SLC37A2: variants seen among roughly 807,000 people sequenced by gnomAD.
The protein encoded by SLC37A2 is glucose-6-phosphate exchanger SLC37A2.
In SLC37A2, 59 loss-of-function variants were observed where a neutral mutation model predicts 70.7. The observed-to-expected ratio is 0.83, with a 90% CI of 0.68 to 1.04. SLC37A2 has a LOEUF of 1.04. Ranked by LOEUF, SLC37A2 falls within the 50% of genes least tolerant of loss-of-function variation. The probability of loss-of-function intolerance (pLI) is 0.00; values close to 1 mark genes in which losing one functional copy is unlikely to be tolerated. For missense variants in SLC37A2, 580 were observed against 658.1 expected (o/e 0.88, Z 1.30); for synonymous variants, 257 against 262.1 (o/e 0.98, Z 0.19).
At chr11:125,066,140 T>C (rs548273587) in intron 1 of SLC37A2, among the ~76,000 whole-genome samples, 1 of 152,260 alleles carries the variant, frequency 6.6e-6, no homozygotes, top group Non-Finnish European at 1.5e-5. Flanking sequence ...CTCAGTCCAC[T>C]AGTACGTTCT....
rs769779802 is a variant in SLC37A2, at chr11:125,080,687, A to T, written c.601A>T (p.Ile201Phe). ...GNILGSLIAG[I>F]WVNGQWGLSF... Reference sequence around the variant, plus strand: ...CATCCTGGGCTCCCTGATCGCCGGCATCTGGGTGAACGGGCAGTGGGGCCT... The same window carrying T: ...CATCCTGGGCTCCCTGATCGCCGGCTTCTGGGTGAACGGGCAGTGGGGCCT... The change falls in exon 7 of 18, where the codon ATC (isoleucine) becomes TTC (phenylalanine). Residue 201 changes from isoleucine (I) to phenylalanine (F), a missense_variant. Ile to Phe is a conservative substitution (Grantham distance 21, BLOSUM62 0). Transcript: ENST00000403796. The surrounding 1 kb of genome is among the most constrained non-coding windows in gnomAD (Gnocchi z 4.3). 1 of 1,587,114 alleles carries T rather than the reference A, an allele frequency of 6.3e-7. No homozygotes were observed. The highest frequency in any genetic ancestry group is 8.6e-7 in the Non-Finnish European group (1 of 1,166,008).
Position 125,063,436 on chromosome 11 carries a change from G to A in SLC37A2, c.59+10G>A, listed in dbSNP as rs2135555016. ...TCTCCAGGGACAGCTGGTGAGCGGG[G>A]CAGGGGAGGGAGGCGTGCCGGGACC... On this transcript the variant is annotated intron_variant, in intron 1 of 17. Coordinates refer to ENST00000403796, the MANE Select transcript of SLC37A2 (RefSeq NM_001145290.2). This position sits in a 1 kb window ranked among gnomAD's most constrained non-coding sequence, Gnocchi z 5.4. 1 of 1,609,418 alleles carries A rather than the reference G, an allele frequency of 6.2e-7. No individual in the cohort carries two copies. Among genetic ancestry groups the A allele is most frequent in the Non-Finnish European group, 8.5e-7 (1 of 1,178,396 alleles).
At position 125,083,441 on chromosome 11, in the gene SLC37A2, C is replaced by G. The variant is rs908849456; in HGVS notation, c.977-374C>G. On this transcript the variant is annotated intron_variant, in intron 10 of 17. Coordinates refer to ENST00000403796, the MANE Select transcript of SLC37A2 (RefSeq NM_001145290.2). The surrounding 1 kb of genome is among the most constrained non-coding windows in gnomAD (Gnocchi z 4.6). Reference sequence around the variant, plus strand: ...CAGCCTAAGGTAAACGGGAAGAGTTCCTAGTGCTGCTAGGGCCGGAGTGAA... The same window carrying G: ...CAGCCTAAGGTAAACGGGAAGAGTTGCTAGTGCTGCTAGGGCCGGAGTGAA... The G allele has an allele frequency of 4.7e-6, 1 of 210,608 alleles. No individual in the cohort carries two copies. The highest frequency in any genetic ancestry group is 9.7e-6 in the Non-Finnish European group (1 of 103,530). The allele number at this position is 210,608 out of a possible 1,614,324, so 13.0% of individuals were successfully genotyped here. A position where few individuals can be genotyped will look rare whatever the true frequency, so the allele number is the denominator to read the frequency against.
At chr11:125,084,922 T>C (rs768787509) in intron 13 of SLC37A2, 49 bp downstream of exon 13, 2 of 1,610,970 alleles carry the variant, frequency 1.2e-6, no homozygotes, top group Non-Finnish European at 1.7e-6. Flanking sequence ...AGGCACTGCC[T>C]TGGGGGCCCC....
chr11:125,064,499 GA>G, intron 1 of SLC37A2, among the ~76,000 whole-genome samples: 1 of 152,280 alleles, frequency 6.6e-6, no homozygotes, highest in Middle Eastern at 3.4e-3. Context: ...TCCTGGTTTT[GA>G]AACAGTCTTT....
intron 1 of SLC37A2, among the ~76,000 whole-genome samples, chr11:125,076,258 G>A (rs185114108): frequency 4.6e-5 from 7 of 152,218 alleles, no homozygotes; most frequent in Admixed American, 1.3e-4. Context: ...TCCAACTACC[G>A]CCTGCCTGAA....
At position 125,085,569 on chromosome 11, in the gene SLC37A2, C is replaced by G; in HGVS notation, c.1328-8C>G. 8 of 1,613,830 alleles carry G rather than the reference C, an allele frequency of 5.0e-6. No individual in the cohort carries two copies. Among genetic ancestry groups the G allele is most frequent in the Non-Finnish European group, 6.8e-6 (8 of 1,180,014 alleles). ...GGACCCCTGCTCACGAGGCTGTGCT[C>G]CATTCAGGTGCGGCTCTGGGGCCTC... On this transcript the variant is annotated splice_polypyrimidine_tract_variant and splice_region_variant and intron_variant, in intron 15 of 17. Coordinates refer to ENST00000403796, the MANE Select transcript of SLC37A2 (RefSeq NM_001145290.2).
rs114287886 is a variant in SLC37A2 at position 125,063,887 on chromosome 11, G to A, written c.59+461G>A. Among the ~76,000 whole-genome samples, 1,813 of 152,284 alleles carry A rather than the reference G, an allele frequency of 0.012. 41 individuals are homozygous for A. The highest frequency in any genetic ancestry group is 0.041 in the African/African-American group (1,717 of 41,532). On this transcript the variant is annotated intron_variant, in intron 1 of 17. Transcript: ENST00000403796. The surrounding 1 kb of genome is among the most constrained non-coding windows in gnomAD (Gnocchi z 5.4). Reference sequence around the variant, plus strand: ...TCTCCTTTAGCCCTCGAACACCAAGGCCAGAACTCAGTGGTCCTGGGAGCT... The same window carrying A: ...TCTCCTTTAGCCCTCGAACACCAAGACCAGAACTCAGTGGTCCTGGGAGCT...
chr11:125,081,412 T>A lies in SLC37A2; in HGVS notation c.695-9T>A. ...GGGAAACTTCTTAGAAAGCGATTTT[T>A]TTTTCTAGACCCAGAAGATGTGGAC... On this transcript the variant is annotated splice_polypyrimidine_tract_variant and intron_variant, in intron 7 of 17. Transcript: ENST00000403796. 6.2e-7 allele frequency: 1 copy of A among 1,604,386 alleles called. No individual in the cohort carries two copies. The highest frequency in any genetic ancestry group is 8.5e-7 in the Non-Finnish European group (1 of 1,175,126).
intron 3 of SLC37A2, 28 bp from the exon 4 acceptor site, chr11:125,077,422 G>A (rs138544629): frequency 6.6e-5 from 106 of 1,608,916 alleles, no homozygotes; most frequent in Middle Eastern, 5.0e-4. Flanking sequence ...CACGCAGTCA[G>A]CTTTCTGTTT....
At position 125,065,729 on chromosome 11, in the gene SLC37A2, C is replaced by T. The variant is rs150340133; in HGVS notation, c.59+2303C>T. On this transcript the variant is annotated intron_variant, in intron 1 of 17. Coordinates refer to ENST00000403796, the MANE Select transcript of SLC37A2 (RefSeq NM_001145290.2). ...TCCCGGCAAGGTCTTGGTTGCATAA[C>T]CAATTTTTCTAATTATGTACTGGTA... is the stretch of plus-strand genomic sequence containing the variant. 2.3e-3 allele frequency among the ~76,000 whole-genome samples: 350 copies of T among 152,078 alleles called. 1 individual carries two copies. The highest frequency in any genetic ancestry group is 7.8e-3 in the African/African-American group (322 of 41,402).
rs1400331503 is a variant in SLC37A2 at position 125,063,487 on chromosome 11, C to A, written c.59+61C>A. On this transcript the variant is annotated intron_variant, in intron 1 of 17. Coordinates refer to ENST00000403796, the MANE Select transcript of SLC37A2 (RefSeq NM_001145290.2). The surrounding 1 kb of genome is among the most constrained non-coding windows in gnomAD (Gnocchi z 5.4). ...TCCTGGGCTCGGGGCTTGCAGGGGCCGCGGGGGGCCTCGGAGATCACCCCA... is the reference window on the plus strand; with the variant it reads ...TCCTGGGCTCGGGGCTTGCAGGGGCAGCGGGGGGCCTCGGAGATCACCCCA... 1.3e-6 allele frequency: 2 copies of A among 1,486,566 alleles called. No homozygotes were observed. Among genetic ancestry groups the A allele is most frequent in the Non-Finnish European group, 1.8e-6 (2 of 1,087,606 alleles). The allele number at this position is 1,486,566 out of a possible 1,614,324, so 92.1% of individuals were successfully genotyped here.
chr11:125,066,069 CT>C (rs1347129686), intron 1 of SLC37A2, among the ~76,000 whole-genome samples: 5 of 152,320 alleles, frequency 3.3e-5, no homozygotes, highest in African/African-American at 1.2e-4. Context: ...CCCGCTGAAT[CT>C]TGGGTTAGCA....
intron 1 of SLC37A2, among the ~76,000 whole-genome samples, chr11:125,065,636 A>T (rs1948973052): frequency 6.6e-6 from 1 of 152,202 alleles, no homozygotes; most frequent in Non-Finnish European, 1.5e-5. Context: ...GGCTGCATAG[A>T]GTGAACCTCA....
intron 9 of SLC37A2, 59 bp downstream of exon 9, chr11:125,081,965 A>T: frequency 6.5e-7 from 1 of 1,536,370 alleles, no homozygotes; most frequent in Non-Finnish European, 8.8e-7. Flanking sequence ...TCTGTTGGTG[A>T]TGAGGAGATG....
At chr11:125,068,109 C>G (rs902575067) in intron 1 of SLC37A2, among the ~76,000 whole-genome samples, 4 of 152,194 alleles carry the variant, frequency 2.6e-5, no homozygotes, top group African/African-American at 4.8e-5. Context: ...GCCTCCAACA[C>G]TCTTCACTTT....
Position 125,065,209 on chromosome 11 carries a change from A to C in SLC37A2, c.59+1783A>C, listed in dbSNP as rs184459582. On this transcript the variant is annotated intron_variant, in intron 1 of 17. Coordinates refer to ENST00000403796, the MANE Select transcript of SLC37A2 (RefSeq NM_001145290.2). The stretch of plus-strand genomic sequence containing the variant: ...AAGGCATAGTTTTCCACGGAAATAC[A>C]TTGTTTTTCTACAGTCTCTCCTGTT... Among the ~76,000 whole-genome samples the C allele has an allele frequency of 1.8e-4, 28 of 152,344 alleles. No individual in the cohort carries two copies. In the East Asian group the frequency reaches 5.2e-3, roughly 28 times the overall value.
chr11:125,078,928 G>T (rs1263851924), intron 4 of SLC37A2, among the ~76,000 whole-genome samples, 184 bp from the exon 5 acceptor site: 1 of 152,014 alleles, frequency 6.6e-6, no homozygotes, highest in Non-Finnish European at 1.5e-5. Context: ...TAAATTCATG[G>T]AGCATGGCCA....
At chr11:125,082,678 A>G (rs1949163175) in intron 10 of SLC37A2, among the ~76,000 whole-genome samples, 1 of 152,024 alleles carries the variant, frequency 6.6e-6, no homozygotes, top group Non-Finnish European at 1.5e-5. Flanking sequence ...AGGTGGTAGC[A>G]TTGGAGGTGC....
Sources: gnomAD v4.1 joint callset for allele counts (sites outside exome capture counted in the v4.1 genomes callset) on GRCh38, gnomAD v4.1.1 for gene constraint, Gnocchi (gnomAD v3.1) non-coding constraint, MANE v1.5 for transcripts, NCBI Gene and HGNC (gene_info 2026-07-23, HGNC 2026-07-21) for gene names.